THSD7A: variants seen among roughly 807,000 people sequenced by gnomAD.
The protein encoded by THSD7A is thrombospondin type-1 domain-containing protein 7A.
THSD7A carries 96 observed loss-of-function variants against 231.3 expected under a neutral mutation model. That is an observed-to-expected ratio of 0.41 (90% CI 0.35 to 0.49). The LOEUF (loss-of-function observed/expected upper bound fraction) is 0.49. Among genes scored for constraint, THSD7A ranks in the 20% least tolerant of loss-of-function variants. The pLI is 0.05. For missense variants in THSD7A, 2,290 were observed against 2,070.2 expected, an observed-to-expected ratio of 1.11 and a Z score of -2.06; for synonymous variants, 940 against 743.3, an observed-to-expected ratio of 1.26 and a Z score of -4.30.
At chr7:11,678,996 C>T (rs1783758614) in intron 1 of THSD7A, among the ~76,000 whole-genome samples, 1 of 152,124 alleles carries the variant, frequency 6.6e-6, no homozygotes, top group Admixed American at 6.6e-5. Context: ...AAAGCTTATC[C>T]ACCACTTTCA....
chr7:11,726,350 A>G (rs957282518), intron 1 of THSD7A, among the ~76,000 whole-genome samples: 10 of 152,166 alleles, frequency 6.6e-5, no homozygotes, highest in Non-Finnish European at 1.3e-4. Flanking sequence ...ACCACACATC[A>G]TCATTTTAAG....
At chr7:11,827,189 A>G (rs1435516641) in intron 1 of THSD7A, among the ~76,000 whole-genome samples, 1 of 152,096 alleles carries the variant, frequency 6.6e-6, no homozygotes, top group Non-Finnish European at 1.5e-5. Flanking sequence ...ATTTTAATAA[A>G]TAATTTTTAA....
chr7:11,750,794 T>G (rs1782475693), intron 1 of THSD7A, among the ~76,000 whole-genome samples: 1 of 151,968 alleles, frequency 6.6e-6, no homozygotes, highest in Non-Finnish European at 1.5e-5. Flanking sequence ...AAGCTTAGCA[T>G]CCCTTTTGGG....
At chr7:11,633,295 T>C (rs998562707) in intron 2 of THSD7A, among the ~76,000 whole-genome samples, 1 of 152,188 alleles carries the variant, frequency 6.6e-6, no homozygotes, top group Admixed American at 6.5e-5. Flanking sequence ...CAGGGAAGCT[T>C]CCTGTGTCCT....
At position 11,752,562 on chromosome 7, in the gene THSD7A, A is replaced by T. The variant is rs184897179; in HGVS notation, c.190+79195T>A. On this transcript the variant is annotated intron_variant, in intron 1 of 27. Transcript: ENST00000423059. Reference sequence around the variant, plus strand: ...TTTTATAGAGTGTGATATTAAGATCAATTTTGATTATTTTATAACATAAAT... The same window carrying T: ...TTTTATAGAGTGTGATATTAAGATCTATTTTGATTATTTTATAACATAAAT... Among the ~76,000 whole-genome samples, 538 of 152,138 alleles carry T rather than the reference A, an allele frequency of 3.5e-3. 1 individual carries two copies. The highest frequency in any genetic ancestry group is 5.3e-3 in the Non-Finnish European group (363 of 67,988).
In THSD7A at chr7:11,462,078, G is replaced by A. The variant is rs372971083; in HGVS notation, c.2434C>T (p.Arg812Ter). 3.7e-6 allele frequency: 6 copies of A among 1,613,620 alleles called. No homozygotes were observed. Among genetic ancestry groups the A allele is most frequent in the Non-Finnish European group, 4.2e-6 (5 of 1,179,774 alleles). ...VIIQLPANGG[R>*]DCTDPLYEEK... ...TCATAGAGGGGATCTGTGCAGTCTC[G>A]GCCCCCGTTGGCTGGCAGCTGAATG... The change falls in exon 10 of 28, where the codon CGA (arginine) becomes TGA (stop). Residue 812 changes from arginine to a stop codon, truncating the protein, a stop_gained. Coordinates refer to ENST00000423059, the MANE Select transcript of THSD7A (RefSeq NM_015204.3). LOFTEE classifies it high-confidence loss of function.
chr7:11,411,029 T>C lies in THSD7A; in HGVS notation c.3798+178A>G, dbSNP rs2115382344. Among the ~76,000 whole-genome samples, 1 of 152,058 alleles carries C rather than the reference T, an allele frequency of 6.6e-6. No homozygotes were observed. Among genetic ancestry groups the C allele is most frequent in the Non-Finnish European group, 1.5e-5 (1 of 68,010 alleles). ...GCAGAAGAAAATACAGGAAATTATA[T>C]GTAGGAATCAGTAGTGTTGGACATT... On this transcript the variant is annotated intron_variant, in intron 19 of 27. Transcript: ENST00000423059. This position sits in a 1 kb window ranked among gnomAD's most constrained non-coding sequence, Gnocchi z 4.1.
intron 1 of THSD7A, among the ~76,000 whole-genome samples, chr7:11,744,184 C>G (rs1782200121): frequency 6.6e-6 from 1 of 151,836 alleles, no homozygotes; most frequent in African/African-American, 2.4e-5. Flanking sequence ...CTGCTAATGA[C>G]AGTCTAGAAG....
intron 1 of THSD7A, among the ~76,000 whole-genome samples, chr7:11,759,867 C>T (rs981192143): frequency 1.3e-5 from 2 of 151,924 alleles, no homozygotes; most frequent in African/African-American, 4.8e-5. Context: ...TAATAGAACT[C>T]CTAAAGACTA....
intron 4 of THSD7A, among the ~76,000 whole-genome samples, chr7:11,572,181 A>G (rs1790663982): frequency 6.6e-6 from 1 of 151,744 alleles, no homozygotes; most frequent in African/African-American, 2.4e-5. Context: ...TGGCCTCCCA[A>G]AGTGTTGGGA....
intron 7 of THSD7A, among the ~76,000 whole-genome samples, chr7:11,477,497 A>G (rs114432884): frequency 0.13 from 19,632 of 152,182 alleles, 1,463 homozygotes; most frequent in Middle Eastern, 0.19. Flanking sequence ...ATTTGAGACT[A>G]TATAACTACA....
chr7:11,391,916 T>C (rs572982392), intron 23 of THSD7A, among the ~76,000 whole-genome samples: 1 of 152,074 alleles, frequency 6.6e-6, no homozygotes, highest in Non-Finnish European at 1.5e-5. Flanking sequence ...TTGCCCTCCG[T>C]GGGCTGCACC....
intron 1 of THSD7A, among the ~76,000 whole-genome samples, chr7:11,719,769 C>A (rs1781281681): frequency 6.6e-6 from 1 of 151,704 alleles, no homozygotes; most frequent in Non-Finnish European, 1.5e-5. Context: ...TGCACTAGTT[C>A]TTCCATATTA....
chr7:11,804,267 T>C (rs996683655), intron 1 of THSD7A, among the ~76,000 whole-genome samples: 4 of 152,140 alleles, frequency 2.6e-5, no homozygotes, highest in Non-Finnish European at 5.9e-5. Flanking sequence ...TCTTTAGACA[T>C]AGCATTACAT....
intron 13 of THSD7A, among the ~76,000 whole-genome samples, chr7:11,440,821 A>G (rs1306365617): frequency 6.6e-6 from 1 of 152,080 alleles, no homozygotes; most frequent in South Asian, 2.1e-4. Flanking sequence ...ACAACAAAGA[A>G]TTTAGAATAT....
intron 8 of THSD7A, among the ~76,000 whole-genome samples, chr7:11,470,996 G>A (rs540040430): frequency 6.6e-6 from 1 of 151,822 alleles, no homozygotes; most frequent in Admixed American, 6.6e-5. Flanking sequence ...TTAGCCAAAA[G>A]GCTGAGAAGT....
intron 1 of THSD7A, among the ~76,000 whole-genome samples, chr7:11,653,211 A>T (rs1465341140): frequency 1.3e-5 from 2 of 151,462 alleles, no homozygotes; most frequent in Non-Finnish European, 2.9e-5. Context: ...TAGTTATTTT[A>T]TTTTTTATTA....
intron 1 of THSD7A, among the ~76,000 whole-genome samples, chr7:11,756,955 A>G (rs1364732601): frequency 6.6e-6 from 1 of 151,974 alleles, no homozygotes; most frequent in Non-Finnish European, 1.5e-5. Context: ...TCTGGCATCA[A>G]GTGAGTTTAG....
intron 6 of THSD7A, among the ~76,000 whole-genome samples, chr7:11,511,769 A>G (rs909299918): frequency 7.2e-5 from 11 of 152,240 alleles, no homozygotes; most frequent in African/African-American, 2.7e-4. Flanking sequence ...CTTAAACCTT[A>G]TACAAAAATT....
Sources: allele counts gnomAD v4.1 joint callset (sites outside exome capture counted in the v4.1 genomes callset), GRCh38; gene constraint gnomAD v4.1.1; non-coding constraint Gnocchi (gnomAD v3.1); transcripts MANE v1.5; gene names NCBI Gene and HGNC (gene_info 2026-07-23, HGNC 2026-07-21).